The following ZNF618 variants were observed in gnomAD, a reference collection of about 807,000 sequenced individuals.
ZNF618 encodes the protein neural precursor cell expressed, developmentally down-regulated 10.
Under a neutral mutation model 103.0 loss-of-function variants are expected in ZNF618, and 34 were observed. That is an observed-to-expected ratio of 0.33 (90% CI 0.25 to 0.44). The LOEUF (loss-of-function observed/expected upper bound fraction) is 0.44. Among genes scored for constraint, ZNF618 ranks in the 20% least tolerant of loss-of-function variants. The pLI is 1.00. For synonymous variants in ZNF618, 551 were observed against 542.2 expected, an observed-to-expected ratio of 1.02 and a Z score of -0.23; for missense variants, 1,059 against 1,295.4, an observed-to-expected ratio of 0.82 and a Z score of 2.80.
At chr9:113,936,642 T>G (rs1213103390) in intron 1 of ZNF618, among the ~76,000 whole-genome samples, 1 of 152,162 alleles carries the variant, frequency 6.6e-6, no homozygotes, top group African/African-American at 2.4e-5. Context: ...GTACCATCAC[T>G]GGGTTATAAG....
At chr9:113,903,193 C>T (rs1237382060) in intron 1 of ZNF618, among the ~76,000 whole-genome samples, 1 of 152,158 alleles carries the variant, frequency 6.6e-6, no homozygotes, top group Non-Finnish European at 1.5e-5. Context: ...ACTTGAAATG[C>T]ATGAGCGAAT....
At position 114,047,925 on chromosome 9, in the gene ZNF618, TC is replaced by T; in HGVS notation, c.1282del (p.Arg428AspfsTer7). On this transcript the variant is annotated frameshift_variant, in exon 14 of 15. Coordinates refer to ENST00000374126, the MANE Select transcript of ZNF618 (RefSeq NM_001318042.2). LOFTEE classifies it high-confidence loss of function. Reference sequence around the variant, plus strand: ...TGAAAACAACATTGCCTCCAACCAGTCCCGATCGCCACCTGCTGTTGTAGAA... The same window carrying T: ...TGAAAACAACATTGCCTCCAACCAGTCCGATCGCCACCTGCTGTTGTAGAA... ...DNENNIASNQ[S>X]RSPPAVVEEK... 1 of 1,603,302 alleles carries T rather than the reference TC, an allele frequency of 6.2e-7. No homozygotes were observed. The highest frequency in any genetic ancestry group is 8.5e-7 in the Non-Finnish European group (1 of 1,175,044).
At chr9:113,982,745 C>G (rs1256874302) in intron 2 of ZNF618, among the ~76,000 whole-genome samples, 3 of 152,164 alleles carry the variant, frequency 2.0e-5, no homozygotes, top group Non-Finnish European at 4.4e-5. Context: ...CTACCATCCC[C>G]ATTCCAGCCT....
chr9:113,951,577 A>ATATGTG (rs1554733167), intron 1 of ZNF618, among the ~76,000 whole-genome samples: 7 of 49,148 alleles, frequency 1.4e-4, no homozygotes, highest in African/African-American at 3.2e-4. Flanking sequence ...GTGTGTGTAT[A>ATATGTG]TGTGTGTGTG....
At chr9:113,961,393 C>G (rs558726547) in intron 1 of ZNF618, among the ~76,000 whole-genome samples, 1 of 152,212 alleles carries the variant, frequency 6.6e-6, no homozygotes, top group African/African-American at 2.4e-5. Context: ...GGTATTTGGG[C>G]GAATGAATAA....
At chr9:114,037,076 T>G (rs1844688811) in intron 13 of ZNF618, among the ~76,000 whole-genome samples, 1 of 152,188 alleles carries the variant, frequency 6.6e-6, no homozygotes, top group Non-Finnish European at 1.5e-5. Flanking sequence ...CTAGGCAGCC[T>G]TTTTATTACA....
At chr9:113,993,460 C>T (rs79040394) in intron 3 of ZNF618, among the ~76,000 whole-genome samples, 2,215 of 152,232 alleles carry the variant, frequency 0.015, 51 homozygotes, top group African/African-American at 0.05. Context: ...GTTGGGTTTA[C>T]AACAGTGAGA....
chr9:113,877,232 C>T (rs1037393142), intron 1 of ZNF618, among the ~76,000 whole-genome samples: 1 of 151,836 alleles, frequency 6.6e-6, no homozygotes, highest in Non-Finnish European at 1.5e-5. Context: ...CAAAAAACCT[C>T]CTAAAAGCAA....
At chr9:113,894,246 AGG>A in intron 1 of ZNF618, among the ~76,000 whole-genome samples, 1 of 152,040 alleles carries the variant, frequency 6.6e-6, no homozygotes, top group East Asian at 1.9e-4. Context: ...TTGTATTTGG[AGG>A]ATGATTCTTC....
chr9:114,008,329 C>A lies in ZNF618; in HGVS notation c.641-15C>A, dbSNP rs767065693. ...TTCTTTCCTTCTGCGGCTGCCGCCT[C>A]CTGCCCGGGCGCAGTGTTTAGTGTG... On this transcript the variant is annotated splice_polypyrimidine_tract_variant and intron_variant, in intron 7 of 14. Coordinates refer to ENST00000374126, the MANE Select transcript of ZNF618 (RefSeq NM_001318042.2). 2 of 1,613,196 alleles carry A rather than the reference C, an allele frequency of 1.2e-6. No homozygotes were observed. Among genetic ancestry groups the A allele is most frequent in the Admixed American group, 3.3e-5 (2 of 60,004 alleles).
intron 1 of ZNF618, among the ~76,000 whole-genome samples, chr9:113,888,052 A>T (rs1208494943): frequency 1.3e-4 from 19 of 151,104 alleles, no homozygotes; most frequent in Admixed American, 1.1e-3. Context: ...TTTTTTTTTT[A>T]AATATGAGAG....
intron 1 of ZNF618, among the ~76,000 whole-genome samples, chr9:113,931,481 C>T (rs921632735): frequency 9.2e-5 from 14 of 152,222 alleles, no homozygotes; most frequent in Non-Finnish European, 1.5e-4. Context: ...ATGAGGCTTG[C>T]GACTCCAGAT....
chr9:113,961,056 C>T (rs1000866686), intron 1 of ZNF618, among the ~76,000 whole-genome samples: 12 of 152,346 alleles, frequency 7.9e-5, no homozygotes, highest in Non-Finnish European at 7.3e-5. Flanking sequence ...GCATGTCGCT[C>T]CCTGCCATCC....
At chr9:113,923,653 CT>C (rs1832838437) in intron 1 of ZNF618, among the ~76,000 whole-genome samples, 1 of 152,082 alleles carries the variant, frequency 6.6e-6, no homozygotes, top group Non-Finnish European at 1.5e-5. Context: ...AGGGCATACA[CT>C]TTTTAAAACA....
chr9:114,024,940 G>C (rs895480443), intron 10 of ZNF618, among the ~76,000 whole-genome samples: 17 of 152,122 alleles, frequency 1.1e-4, no homozygotes, highest in Non-Finnish European at 2.2e-4. Flanking sequence ...TGTCTCCTTT[G>C]TTCACTGAGA....
Position 114,050,464 on chromosome 9 carries a change from A to C in ZNF618, c.*297A>C. 3.4e-6 allele frequency: 1 copy of C among 295,766 alleles called. No homozygotes were observed. Among genetic ancestry groups the C allele is most frequent in the Non-Finnish European group, 6.2e-6 (1 of 160,152 alleles). The allele number at this position is 295,766 out of a possible 1,614,324, so 18.3% of individuals were successfully genotyped here. On this transcript the variant is annotated 3_prime_UTR_variant, in exon 15 of 15. Coordinates refer to ENST00000374126, the MANE Select transcript of ZNF618 (RefSeq NM_001318042.2). Reference sequence around the variant, plus strand: ...CACGCACACACACACACACACACACACACACACACACGACCCTGGTGCGTG... The same window carrying C: ...CACGCACACACACACACACACACACCCACACACACACGACCCTGGTGCGTG...
intron 1 of ZNF618, among the ~76,000 whole-genome samples, chr9:113,884,003 G>A (rs948535703): frequency 1.7e-4 from 6 of 35,276 alleles, no homozygotes; most frequent in Admixed American, 8.7e-4. Context: ...CCCCCCCCCC[G>A]CCCTGTACAG....
Position 113,999,174 on chromosome 9 carries a change from CCA to C in ZNF618, c.433+821_433+822del, listed in dbSNP as rs1205782396. Among the ~76,000 whole-genome samples, 3 of 152,362 alleles carry C rather than the reference CCA, an allele frequency of 2.0e-5. No homozygotes were observed. The East Asian group carries it at 5.8e-4, about 29-fold the overall frequency. ...CCCATCACAAAGGGGAACCTGAAGC[CCA>C]GAGTCGGGCTGAGCGAGGCGCAGGT... On this transcript the variant is annotated intron_variant, in intron 4 of 14. Coordinates refer to ENST00000374126, the MANE Select transcript of ZNF618 (RefSeq NM_001318042.2).
intron 1 of ZNF618, among the ~76,000 whole-genome samples, chr9:113,927,191 G>A (rs1288155507): frequency 6.6e-6 from 1 of 152,162 alleles, no homozygotes; most frequent in Admixed American, 6.6e-5. Flanking sequence ...GCATTTTAAT[G>A]TGAGGTTTAA....
Sources: gnomAD v4.1 joint callset for allele counts (sites outside exome capture counted in the v4.1 genomes callset) on GRCh38, gnomAD v4.1.1 for gene constraint, MANE v1.5 for transcripts, NCBI Gene and HGNC (gene_info 2026-07-23, HGNC 2026-07-21) for gene names.